Variants in LRRC37A3 observed in about 807,000 individuals in gnomAD.
LRRC37A3 encodes leucine rich repeat containing 37 member A3.
LRRC37A3 carries 25 observed loss-of-function variants against 106.2 expected under a neutral mutation model. The observed-to-expected ratio is 0.24, with a 90% CI of 0.17 to 0.33. The LOEUF (loss-of-function observed/expected upper bound fraction) is 0.33, where lower values mean the gene tolerates loss of function less well. Ranked by LOEUF, LRRC37A3 falls within the 10% of genes least tolerant of loss-of-function variation. LRRC37A3 has a pLI of 1.00. For synonymous variants in LRRC37A3, 305 were observed against 635.8 expected, an observed-to-expected ratio of 0.48 and a Z score of 7.83; for missense variants, 712 against 1,644.9, an observed-to-expected ratio of 0.43 and a Z score of 9.81.
intron 2 of LRRC37A3, among the ~76,000 whole-genome samples, chr17:64,915,341 G>T (rs1178588220): frequency 1.3e-5 from 2 of 151,288 alleles, no homozygotes; most frequent in African/African-American, 4.9e-5. Flanking sequence ...GGGTTTGTCA[G>T]GCCAGGAATC....
At chr17:64,863,182 G>C (rs964574603) in intron 10 of LRRC37A3, 164 bp from the exon 11 acceptor site, 2 of 742,230 alleles carry the variant, frequency 2.7e-6, no homozygotes, top group African/African-American at 3.5e-5. Context: ...GAGGACAAAA[G>C]TGCCCAACTG....
rs1974077185 is a variant in LRRC37A3 at position 64,895,262 on chromosome 17, A to G, written c.1996T>C (p.Leu666=). 4.7e-6 allele frequency: 3 copies of G among 640,750 alleles called. No individual in the cohort carries two copies. Among genetic ancestry groups the G allele is most frequent in the East Asian group, 2.8e-5 (1 of 35,154 alleles). The allele number at this position is 640,750 out of a possible 1,614,324, so 39.7% of individuals were successfully genotyped here. ...SHLTRATVQP[L]DLGFTITPKS... ...GGAGTGATGGTAAACCCCAGGTCCA[A>G]AGGTTGAACTGTGGCTCGAGTCAGG... Residue 666 remains leucine, a synonymous_variant, in exon 4 of 15, where the codon TTG becomes CTG. Coordinates refer to ENST00000584306, the MANE Select transcript of LRRC37A3 (RefSeq NM_199340.5).
At chr17:64,879,914 AC>A (rs552995794) in intron 8 of LRRC37A3, among the ~76,000 whole-genome samples, 201 of 152,292 alleles carry the variant, frequency 1.3e-3, no homozygotes, top group Middle Eastern at 6.8e-3. Context: ...TTTCTTAAAC[AC>A]CAAAAATAAT....
At chr17:64,862,602 C>G (rs1972913835) in intron 11 of LRRC37A3, among the ~76,000 whole-genome samples, 1 of 151,956 alleles carries the variant, frequency 6.6e-6, no homozygotes, top group Non-Finnish European at 1.5e-5. Context: ...GGCAAAGCAT[C>G]AAGCAGAGAG....
intron 8 of LRRC37A3, among the ~76,000 whole-genome samples, chr17:64,883,257 G>A (rs1973763304): frequency 6.6e-6 from 1 of 152,092 alleles, no homozygotes; most frequent in Admixed American, 6.5e-5. Flanking sequence ...ATCCAGTTAA[G>A]TCCACTAATA....
At chr17:64,865,197 G>A (rs1973020099) in intron 10 of LRRC37A3, among the ~76,000 whole-genome samples, 2 of 152,304 alleles carry the variant, frequency 1.3e-5, no homozygotes, top group South Asian at 4.1e-4. Context: ...CAGGCTGAGT[G>A]CAGTGGTGCA....
intron 2 of LRRC37A3, chr17:64,899,992 G>C (rs1169652241): frequency 1.4e-5 from 2 of 144,842 alleles, no homozygotes; most frequent in African/African-American, 5.4e-5. Flanking sequence ...TTGAATTATG[G>C]TTATACTGGC....
chr17:64,909,155 A>G (rs2143617269), intron 2 of LRRC37A3, among the ~76,000 whole-genome samples: 1 of 152,354 alleles, frequency 6.6e-6, no homozygotes, highest in Non-Finnish European at 1.5e-5. Flanking sequence ...ATAATCTGAT[A>G]GGTTATTTCC....
rs1397239574 is a variant in LRRC37A3, at chr17:64,881,467, C to T, written c.2906+4619G>A. ...TTCACCATGTTGGCCAGGCTGGTCT[C>T]GAACTTCTGAGCTCAAGTGATCCAC... On this transcript the variant is annotated intron_variant, in intron 8 of 14. Coordinates refer to ENST00000584306, the MANE Select transcript of LRRC37A3 (RefSeq NM_199340.5). Among the ~76,000 whole-genome samples the T allele has an allele frequency of 4.4e-4, 59 of 132,684 alleles. 1 individual carries two copies. In the East Asian group the frequency reaches 0.012, roughly 26 times the overall value. 87.0% of individuals were successfully genotyped at this position (132,684 alleles called of 152,430 possible). A position where few individuals can be genotyped will look rare whatever the true frequency, so the allele number is the denominator to read the frequency against.
In LRRC37A3 at chr17:64,865,022, A is replaced by G. The variant is rs546484328; in HGVS notation, c.3054-2004T>C. Among the ~76,000 whole-genome samples the G allele has an allele frequency of 4.8e-3, 736 of 152,338 alleles. 6 individuals are homozygous for G. The highest frequency in any genetic ancestry group is 0.017 in the African/African-American group (698 of 41,572). On this transcript the variant is annotated intron_variant, in intron 10 of 14. Coordinates refer to ENST00000584306, the MANE Select transcript of LRRC37A3 (RefSeq NM_199340.5). ...ACATCTTTCAAACCTATAAAGGAAC[A>G]ATCACAAGTGACTAGTATTATTCCT...
intron 8 of LRRC37A3, among the ~76,000 whole-genome samples, chr17:64,877,910 TG>T (rs1973568982): frequency 6.6e-6 from 1 of 151,702 alleles, no homozygotes; most frequent in African/African-American, 2.4e-5. Flanking sequence ...GTGGAAATAA[TG>T]TTTTTTTTTT....
At chr17:64,916,193 C>G (rs943025450) in intron 2 of LRRC37A3, among the ~76,000 whole-genome samples, 3 of 152,038 alleles carry the variant, frequency 2.0e-5, no homozygotes, top group African/African-American at 4.8e-5. Context: ...ATCACAAGGT[C>G]AGGAGATCAA....
intron 10 of LRRC37A3, among the ~76,000 whole-genome samples, chr17:64,864,052 C>T (rs1198110982): frequency 6.7e-6 from 1 of 148,912 alleles, no homozygotes; most frequent in Non-Finnish European, 1.5e-5. Context: ...TGGTGTAGAA[C>T]TCCTGGGCTC....
In LRRC37A3 at chr17:64,901,261, TAAA is replaced by T. The variant is rs1432924687; in HGVS notation, c.-495-2805_-495-2803del. ...AACTAAGGAATAATAACATAAGAAA[TAAA>T]AAATGTGGAAATAAAAACGTTCAAT... On this transcript the variant is annotated intron_variant, in intron 2 of 14. Transcript: ENST00000584306. 1.3e-5 allele frequency: 2 copies of T among 151,268 alleles called. 1 individual carries two copies. Among genetic ancestry groups the T allele is most frequent in the African/African-American group, 4.9e-5 (2 of 40,522 alleles). 9.4% of individuals were successfully genotyped at this position (151,268 alleles called of 1,614,324 possible). A position where few individuals can be genotyped will look rare whatever the true frequency, so the allele number is the denominator to read the frequency against.
chr17:64,869,439 T>A (rs1035573160), intron 8 of LRRC37A3, among the ~76,000 whole-genome samples: 29 of 151,430 alleles, frequency 1.9e-4, no homozygotes, highest in African/African-American at 7.0e-4. Flanking sequence ...ACTTTTCAGG[T>A]CAAAAACCCT....
intron 10 of LRRC37A3, among the ~76,000 whole-genome samples, chr17:64,866,460 C>T (rs1029712350): frequency 6.7e-6 from 1 of 149,546 alleles, no homozygotes; most frequent in Non-Finnish European, 1.5e-5. Flanking sequence ...ATTTAGCTTG[C>T]CATATTGTGG....
At chr17:64,874,834 C>T (rs1388294058) in intron 8 of LRRC37A3, among the ~76,000 whole-genome samples, 1 of 152,060 alleles carries the variant, frequency 6.6e-6, no homozygotes, top group East Asian at 1.9e-4. Flanking sequence ...GCTGTGTCCA[C>T]TCAGGGTTGA....
At chr17:64,855,723 A>T (rs1312339958) in intron 14 of LRRC37A3, 117 bp downstream of exon 14, 1 of 1,535,132 alleles carries the variant, frequency 6.5e-7, no homozygotes, top group Non-Finnish European at 8.9e-7. Context: ...AATCGCTTGA[A>T]CCTGGGAAGT....
intron 8 of LRRC37A3, among the ~76,000 whole-genome samples, chr17:64,875,430 C>T (rs1026802889): frequency 2.0e-5 from 3 of 152,298 alleles, no homozygotes; most frequent in African/African-American, 7.2e-5. Context: ...TAAATAAAAA[C>T]TGAGAGACTT....
Sources: gnomAD v4.1 joint callset for allele counts (sites outside exome capture counted in the v4.1 genomes callset) on GRCh38, gnomAD v4.1.1 for gene constraint, MANE v1.5 for transcripts, NCBI Gene and HGNC (gene_info 2026-07-23, HGNC 2026-07-21) for gene names.